Variants in RERE observed in about 807,000 individuals in gnomAD.
RERE encodes the protein arginine-glutamic acid dipeptide repeats.
RERE carries 40 observed loss-of-function variants against 146.1 expected under a neutral mutation model. The observed-to-expected ratio is 0.27, with a 90% CI of 0.21 to 0.36. The LOEUF is 0.36. Among genes scored for constraint, RERE ranks in the 10% least tolerant of loss-of-function variants. RERE has a pLI of 1.00. For missense variants in RERE, 1,933 were observed against 2,138.7 expected (o/e 0.90, Z 1.90); for synonymous variants, 1,003 against 866.0 (o/e 1.16, Z -2.78).
chr1:8,629,242 A>G (rs959235106), intron 2 of RERE, among the ~76,000 whole-genome samples: 1 of 152,146 alleles, frequency 6.6e-6, no homozygotes, highest in Non-Finnish European at 1.5e-5. Context: ...CTAGGTTGAG[A>G]CCTACTCTCT....
intron 1 of RERE, among the ~76,000 whole-genome samples, chr1:8,777,704 T>C (rs1355259267): frequency 7.1e-6 from 1 of 141,146 alleles, no homozygotes; most frequent in African/African-American, 2.5e-5. Flanking sequence ...CCGGCTACTT[T>C]TTGTATTTTT....
intron 7 of RERE, among the ~76,000 whole-genome samples, chr1:8,516,019 A>T (rs1645409559): frequency 6.6e-6 from 1 of 151,778 alleles, no homozygotes; most frequent in South Asian, 2.1e-4. Context: ...GAGTTCCAAA[A>T]CAGCCTGGCC....
intron 1 of RERE, among the ~76,000 whole-genome samples, chr1:8,721,012 C>T (rs527529870): frequency 2.0e-5 from 3 of 149,404 alleles, no homozygotes; most frequent in Admixed American, 2.0e-4. Flanking sequence ...GCCGAGATCA[C>T]CACCACACAC....
intron 3 of RERE, among the ~76,000 whole-genome samples, chr1:8,621,740 T>A (rs186932163): frequency 5.9e-5 from 9 of 152,360 alleles, no homozygotes; most frequent in African/African-American, 2.2e-4. Context: ...CAAAATCAAA[T>A]TCAATTTCTT....
intron 1 of RERE, among the ~76,000 whole-genome samples, chr1:8,707,197 G>A (rs1639575496): frequency 6.6e-6 from 1 of 152,188 alleles, no homozygotes; most frequent in Non-Finnish European, 1.5e-5. Context: ...CAACAGATGT[G>A]GCTGGAAGCA....
At chr1:8,384,804 CT>C (rs1185168744) in intron 12 of RERE, among the ~76,000 whole-genome samples, 1 of 152,240 alleles carries the variant, frequency 6.6e-6, no homozygotes, top group East Asian at 1.9e-4. Flanking sequence ...AACTTTCTGT[CT>C]CCTGCTGTGG....
At chr1:8,722,727 T>TGCACTACAGTGCACTG (rs1639887608) in intron 1 of RERE, among the ~76,000 whole-genome samples, 1 of 152,212 alleles carries the variant, frequency 6.6e-6, no homozygotes, top group African/African-American at 2.4e-5. Context: ...ATACTATAAG[T>TGCACTACAGTGCACTG]AATCTGGAGA....
At chr1:8,446,186 G>T (rs574745629) in intron 11 of RERE, among the ~76,000 whole-genome samples, 1 of 152,284 alleles carries the variant, frequency 6.6e-6, no homozygotes, top group African/African-American at 2.4e-5. Flanking sequence ...TTGAATATTG[G>T]CCCCCACGGT....
chr1:8,635,541 G>A (rs896972429), intron 2 of RERE, among the ~76,000 whole-genome samples: 1 of 152,150 alleles, frequency 6.6e-6, no homozygotes, highest in Admixed American at 6.5e-5. Flanking sequence ...AGCTGCTCTA[G>A]GCCAATATAA....
At chr1:8,680,963 T>C (rs1242197829) in intron 1 of RERE, among the ~76,000 whole-genome samples, 1 of 152,166 alleles carries the variant, frequency 6.6e-6, no homozygotes, top group African/African-American at 2.4e-5. Flanking sequence ...CCAAGTGCCC[T>C]CTACGAATGC....
intron 4 of RERE, among the ~76,000 whole-genome samples, chr1:8,569,184 G>A (rs1646187837): frequency 6.7e-6 from 1 of 148,664 alleles, no homozygotes; most frequent in Non-Finnish European, 1.5e-5. Flanking sequence ...CGTAGAGAGT[G>A]TAATAAGAAA....
At chr1:8,443,968 G>A (rs1304282240) in intron 11 of RERE, among the ~76,000 whole-genome samples, 6 of 152,220 alleles carry the variant, frequency 3.9e-5, no homozygotes, top group Admixed American at 2.0e-4. Context: ...ACTCTACTAG[G>A]GCAGTGTAGA....
chr1:8,499,538 C>G (rs967073993), intron 8 of RERE, among the ~76,000 whole-genome samples: 2 of 152,154 alleles, frequency 1.3e-5, no homozygotes, highest in African/African-American at 2.4e-5. Context: ...TTTCCAAATT[C>G]CAGAAATCTT....
chr1:8,355,622 C>T (rs41278972), intron 21 of RERE, 23 bp from the exon 22 acceptor site: 66,705 of 1,549,224 alleles, frequency 0.043, 1,666 homozygotes, highest in Admixed American at 0.05. Context: ...AAACAACCTG[C>T]GCTACAGAAA....
In RERE at chr1:8,472,416, T is replaced by C. The variant is rs184837809; in HGVS notation, c.1105-6393A>G. Among the ~76,000 whole-genome samples the C allele has an allele frequency of 2.4e-4, 36 of 152,302 alleles. No individual in the cohort carries two copies. In the East Asian group the frequency reaches 5.8e-3, roughly 24 times the overall value. ...GCTTCCCCATATTGCTAAGGTAAAATGTCCTTTAATGTGAATAAGATTTTC... is the reference window on the plus strand; with the variant it reads ...GCTTCCCCATATTGCTAAGGTAAAACGTCCTTTAATGTGAATAAGATTTTC... On this transcript the variant is annotated intron_variant, in intron 10 of 22. Transcript: ENST00000400908.
chr1:8,363,894 C>G lies in RERE; in HGVS notation c.1740+162G>C, dbSNP rs1389734534. The G allele has an allele frequency of 6.0e-6, 4 of 662,590 alleles. No homozygotes were observed. The South Asian group carries it at 7.6e-5, about 13-fold the overall frequency. 41.0% of individuals were successfully genotyped at this position (662,590 alleles called of 1,614,324 possible). On this transcript the variant is annotated intron_variant, in intron 15 of 22. Transcript: ENST00000400908. ...TCGAAGGAGAGAACAGAGAACTCTTCCCAGCCCACAGGCAAGCTACCGCCT... is the reference window on the plus strand; with the variant it reads ...TCGAAGGAGAGAACAGAGAACTCTTGCCAGCCCACAGGCAAGCTACCGCCT...
At chr1:8,407,958 T>C (rs1017649595) in intron 12 of RERE, among the ~76,000 whole-genome samples, 2 of 152,182 alleles carry the variant, frequency 1.3e-5, no homozygotes, top group Non-Finnish European at 2.9e-5. Flanking sequence ...AGTTGTACAA[T>C]GGTTTCCTGG....
intron 1 of RERE, chr1:8,751,177 T>A (rs1196440146): frequency 3.9e-6 from 1 of 258,942 alleles, no homozygotes; most frequent in South Asian, 6.3e-5. Flanking sequence ...CTGTTGCCCA[T>A]CATGACAATC....
At chr1:8,736,851 G>GAAAAAAAAAAAAA (rs34872965) in intron 1 of RERE, among the ~76,000 whole-genome samples, 3 of 99,796 alleles carry the variant, frequency 3.0e-5, no homozygotes, top group African/African-American at 3.8e-5. Context: ...AAGCAAGGGG[G>GAAAAAAAAAAAAA]AAAAAAAAAA....
Sources: allele counts gnomAD v4.1 joint callset (sites outside exome capture counted in the v4.1 genomes callset), GRCh38; gene constraint gnomAD v4.1.1; transcripts MANE v1.5; gene names NCBI Gene and HGNC (gene_info 2026-07-23, HGNC 2026-07-21).